ZNF385D: variants seen among roughly 807,000 people sequenced by gnomAD.
The protein encoded by ZNF385D is zinc finger protein 385D.
Under a neutral mutation model 35.8 loss-of-function variants are expected in ZNF385D, and 15 were observed. That is an observed-to-expected ratio of 0.42 (90% CI 0.28 to 0.64). The LOEUF is 0.64. Among genes scored for constraint, ZNF385D ranks in the 30% least tolerant of loss-of-function variants. ZNF385D has a pLI of 0.23. For synonymous variants in ZNF385D, 212 were observed against 186.8 expected, an observed-to-expected ratio of 1.13 and a Z score of -1.10; for missense variants, 474 against 494.6, an observed-to-expected ratio of 0.96 and a Z score of 0.39.
upstream of ZNF385D, among the ~76,000 whole-genome samples, chr3:21,751,968 C>A (rs1000788499): frequency 3.3e-5 from 5 of 150,866 alleles, no homozygotes; most frequent in African/African-American, 1.2e-4. Context: ...TAGTTAGAGT[C>A]CAGTCACCAA....
chr3:21,421,358 T>C lies in ZNF385D; in HGVS notation c.1044A>G (p.Ala348=). 1 of 1,613,590 alleles carries C rather than the reference T, an allele frequency of 6.2e-7. No individual in the cohort carries two copies. The highest frequency in any genetic ancestry group is 8.5e-7 in the Non-Finnish European group (1 of 1,179,646). Residue 348 remains alanine, a synonymous_variant, in exon 8 of 8, where the codon GCA becomes GCG. Transcript: ENST00000281523. ...GACTGAAGGGGGAACTCACTGCCACTGCTGCTGCGGCTGCTGCAGCTGCTA... is the reference window on the plus strand; with the variant it reads ...GACTGAAGGGGGAACTCACTGCCACCGCTGCTGCGGCTGCTGCAGCTGCTA... ...NPLAAAAAAA[A]VAVSSPFSLR...
chr3:21,717,389 T>A (rs922813242), intron 1 of ZNF385D, among the ~76,000 whole-genome samples: 1 of 152,188 alleles, frequency 6.6e-6, no homozygotes, highest in Admixed American at 6.5e-5. Flanking sequence ...GGAACGCACA[T>A]GGGGTTTTCA....
chr3:22,268,774 A>C (rs1205263281), intron 2 of ZNF385D, among the ~76,000 whole-genome samples: 1 of 151,970 alleles, frequency 6.6e-6, no homozygotes, highest in Non-Finnish European at 1.5e-5. Context: ...AGGATGTGAC[A>C]TCTTTGGAGA....
chr3:21,534,957 A>G (rs2062002076), intron 3 of ZNF385D, among the ~76,000 whole-genome samples: 1 of 152,160 alleles, frequency 6.6e-6, no homozygotes, highest in African/African-American at 2.4e-5. Context: ...CTGAGATCAC[A>G]AGAAATACTA....
chr3:21,584,382 A>C (rs1044400320), intron 2 of ZNF385D, among the ~76,000 whole-genome samples: 3 of 152,226 alleles, frequency 2.0e-5, no homozygotes, highest in Non-Finnish European at 4.4e-5. Flanking sequence ...TTAAAATTTG[A>C]AAGCTAATAA....
chr3:21,806,623 A>C (rs1307126369), intron 3 of ZNF385D, among the ~76,000 whole-genome samples: 1 of 152,236 alleles, frequency 6.6e-6, no homozygotes, highest in Non-Finnish European at 1.5e-5. Context: ...TTAAAACTAC[A>C]CAGACCTAAT....
chr3:22,365,288 TA>T (rs546898421), intron 2 of ZNF385D, among the ~76,000 whole-genome samples: 25 of 152,086 alleles, frequency 1.6e-4, no homozygotes, highest in Non-Finnish European at 2.6e-4. Context: ...AAAGTATGAA[TA>T]AGTAAACATT....
At chr3:21,616,723 A>G (rs972614) in intron 2 of ZNF385D, among the ~76,000 whole-genome samples, 59,513 of 152,032 alleles carry the variant, frequency 0.39, 11,990 homozygotes, top group South Asian at 0.59. Context: ...CATCTCTGGA[A>G]ATAGCACTCA....
chr3:21,977,718 C>A (rs1397947555), intron 3 of ZNF385D, among the ~76,000 whole-genome samples: 2 of 151,914 alleles, frequency 1.3e-5, no homozygotes, highest in Non-Finnish European at 1.5e-5. Flanking sequence ...TGTCTATGGT[C>A]CCAGCTACTC....
chr3:22,061,523 T>A (rs950424394), intron 3 of ZNF385D, among the ~76,000 whole-genome samples: 1 of 152,134 alleles, frequency 6.6e-6, no homozygotes, highest in African/African-American at 2.4e-5. Flanking sequence ...CACTCTTTTC[T>A]TCTCAAGCCT....
chr3:22,042,134 T>C (rs1698703912), intron 3 of ZNF385D, among the ~76,000 whole-genome samples: 1 of 152,112 alleles, frequency 6.6e-6, no homozygotes, highest in South Asian at 2.1e-4. Context: ...CTTATGTATT[T>C]CCAGCTTGGA....
intron 3 of ZNF385D, among the ~76,000 whole-genome samples, chr3:21,908,110 TTCTCTCTATATCTATCTA>T: frequency 7.3e-6 from 1 of 137,702 alleles, no homozygotes; most frequent in African/African-American, 2.6e-5. Context: ...CTATATATCT[TTCTCTCTATATCTATCTA>T]TCTATCTATC....
chr3:21,701,273 G>C (rs1370214221), intron 1 of ZNF385D, among the ~76,000 whole-genome samples: 2 of 146,090 alleles, frequency 1.4e-5, no homozygotes, highest in South Asian at 2.3e-4. Context: ...GAGGCAAAAG[G>C]CACTTCTTAC....
chr3:21,661,063 C>T (rs2066224830), intron 2 of ZNF385D, among the ~76,000 whole-genome samples: 1 of 152,148 alleles, frequency 6.6e-6, no homozygotes, highest in Non-Finnish European at 1.5e-5. Context: ...ACTGGGATTA[C>T]TGAGTGTCCT....
intron 1 of ZNF385D, among the ~76,000 whole-genome samples, chr3:21,723,886 AG>A (rs1190010665): frequency 6.6e-6 from 1 of 152,178 alleles, no homozygotes; most frequent in Non-Finnish European, 1.5e-5. Context: ...AAAAATGTTA[AG>A]GGCAGCCAGA....
At chr3:21,971,626 T>G (rs1197031389) in intron 3 of ZNF385D, among the ~76,000 whole-genome samples, 1 of 151,442 alleles carries the variant, frequency 6.6e-6, no homozygotes, top group African/African-American at 2.4e-5. Context: ...ATAATAGCAT[T>G]TAATGTAAAC....
chr3:22,300,375 G>C (rs949315918), intron 2 of ZNF385D, among the ~76,000 whole-genome samples: 1 of 133,798 alleles, frequency 7.5e-6, no homozygotes, highest in African/African-American at 2.9e-5. Flanking sequence ...GACATTGATT[G>C]GTCTGGGCAA....
At chr3:22,181,128 A>G (rs1435770387) in intron 2 of ZNF385D, among the ~76,000 whole-genome samples, 1 of 151,894 alleles carries the variant, frequency 6.6e-6, no homozygotes, top group Admixed American at 6.6e-5. Context: ...AATTCTTATA[A>G]ATGTCATAAT....
intron 2 of ZNF385D, among the ~76,000 whole-genome samples, chr3:22,261,205 G>C (rs1345573687): frequency 1.3e-5 from 2 of 151,886 alleles, no homozygotes; most frequent in African/African-American, 4.8e-5. Context: ...CAACAGCAAA[G>C]TTAAGGGGTG....
Sources: gnomAD v4.1 joint callset for allele counts (sites outside exome capture counted in the v4.1 genomes callset) on GRCh38, gnomAD v4.1.1 for gene constraint, MANE v1.5 for transcripts, NCBI Gene and HGNC (gene_info 2026-07-23, HGNC 2026-07-21) for gene names.